SHOC2: variants seen among roughly 807,000 people sequenced by gnomAD.
SHOC2 encodes the protein SHOC2 leucine rich repeat scaffold protein.
SHOC2 carries 4 observed loss-of-function variants against 50.2 expected under a neutral mutation model. The observed-to-expected ratio is 0.08, with a 90% confidence interval of 0.04 to 0.18. SHOC2 has a LOEUF of 0.18. Among genes scored for constraint, SHOC2 ranks in the 10% least tolerant of loss-of-function variants. The pLI is 1.00. For synonymous variants in SHOC2, 218 were observed against 244.5 expected (o/e 0.89, Z 1.01); for missense variants, 388 against 669.6 (o/e 0.58, Z 4.64).
At chr10:110,998,437 C>T (rs1004581579) in intron 3 of SHOC2, among the ~76,000 whole-genome samples, 1 of 152,042 alleles carries the variant, frequency 6.6e-6, no homozygotes, top group African/African-American at 2.4e-5. Context: ...CAGAAAGACA[C>T]TGATGAAGTC....
intron 1 of SHOC2, chr10:110,937,048 C>A: frequency 6.7e-7 from 1 of 1,487,530 alleles, no homozygotes; most frequent in East Asian, 2.3e-5. Flanking sequence ...GGTTGGTGTT[C>A]ATCCGCTTGC....
At chr10:110,935,514 G>A (rs568321113) in intron 1 of SHOC2, among the ~76,000 whole-genome samples, 91 of 152,198 alleles carry the variant, frequency 6.0e-4, no homozygotes, top group Admixed American at 4.4e-3. Context: ...GAATATCCTG[G>A]TGCTTATAAA....
At chr10:110,957,557 A>T (rs1847491394) in intron 1 of SHOC2, among the ~76,000 whole-genome samples, 1 of 129,788 alleles carries the variant, frequency 7.7e-6, no homozygotes, top group Non-Finnish European at 1.6e-5. Context: ...CACAATTTCC[A>T]ACTCACTCTT....
intron 2 of SHOC2, among the ~76,000 whole-genome samples, chr10:110,983,474 A>G (rs760905877): frequency 3.3e-5 from 5 of 152,152 alleles, no homozygotes; most frequent in Non-Finnish European, 5.9e-5. Flanking sequence ...CCCTCTTAGC[A>G]CTAGCTTAGC....
At chr10:110,930,628 A>G (rs1422477583) in intron 1 of SHOC2, among the ~76,000 whole-genome samples, 2 of 151,796 alleles carry the variant, frequency 1.3e-5, no homozygotes, top group African/African-American at 4.8e-5. Flanking sequence ...GCCAGTTTGC[A>G]TGGGAAATGA....
At chr10:111,000,296 G>T in intron 3 of SHOC2, 119 bp from the exon 4 acceptor site, 1 of 933,314 alleles carries the variant, frequency 1.1e-6, no homozygotes. Flanking sequence ...TAGAAGTTAA[G>T]GAACTTGCTG....
intron 1 of SHOC2, among the ~76,000 whole-genome samples, chr10:110,946,099 A>G (rs1847241669): frequency 6.6e-6 from 1 of 152,048 alleles, no homozygotes; most frequent in South Asian, 2.1e-4. Flanking sequence ...TAATCAAATA[A>G]AAATCCCTTC....
In SHOC2 at chr10:110,964,394, A is replaced by G; in HGVS notation, c.36A>G (p.Lys12=). ...SSSLGKEKDS[K]EKDPKVPSAK... ...GTTTAGGAAAAGAAAAAGACTCTAA[A>G]GAAAAAGATCCCAAAGTACCATCAG... Residue 12 remains lysine, a synonymous_variant, in exon 2 of 9, where the codon AAA becomes AAG. Coordinates refer to ENST00000369452, the MANE Select transcript of SHOC2 (RefSeq NM_007373.4). This position sits in a 1 kb window ranked among gnomAD's most constrained non-coding sequence, Gnocchi z 4.9. 1.2e-6 allele frequency: 2 copies of G among 1,613,304 alleles called. No individual in the cohort carries two copies. The highest frequency in any genetic ancestry group is 1.7e-6 in the Non-Finnish European group (2 of 1,179,846).
intron 1 of SHOC2, among the ~76,000 whole-genome samples, chr10:110,947,600 T>G (rs1452887809): frequency 6.6e-6 from 1 of 152,210 alleles, no homozygotes; most frequent in African/African-American, 2.4e-5. Flanking sequence ...CTCAATAATG[T>G]AAACTTGGAG....
chr10:110,999,205 G>A (rs552044523), intron 3 of SHOC2, among the ~76,000 whole-genome samples: 1 of 152,284 alleles, frequency 6.6e-6, no homozygotes, highest in South Asian at 2.1e-4. Context: ...GCCCATCCAA[G>A]TATCTCATAG....
Position 110,926,474 on chromosome 10 carries a change from A to C in SHOC2, c.-235+6817A>C, listed in dbSNP as rs1221846470. ...GCATTTTTATTCTCACGTAGTGCAC[A>C]ATTTTTAAAAGTTTGGTAACCAAAT... is the stretch of plus-strand genomic sequence containing the variant. On this transcript the variant is annotated intron_variant, in intron 1 of 8. Transcript: ENST00000369452. Among the ~76,000 whole-genome samples the C allele has an allele frequency of 2.6e-5, 4 of 152,220 alleles. No individual in the cohort carries two copies. The East Asian group carries it at 7.7e-4, about 29-fold the overall frequency.
At chr10:110,972,544 C>T (rs1473662374) in intron 2 of SHOC2, among the ~76,000 whole-genome samples, 1 of 152,020 alleles carries the variant, frequency 6.6e-6, no homozygotes, top group Non-Finnish European at 1.5e-5. Context: ...ACAACAAAAA[C>T]CCAGAGAAGT....
At chr10:110,994,791 C>G (rs1448933656) in intron 3 of SHOC2, among the ~76,000 whole-genome samples, 1 of 151,988 alleles carries the variant, frequency 6.6e-6, no homozygotes, top group African/African-American at 2.4e-5. Flanking sequence ...TAGGAAGATA[C>G]ATTTATATAT....
chr10:110,920,361 TCTTCCCCGA>T (rs1251981832), intron 1 of SHOC2, among the ~76,000 whole-genome samples: 1 of 152,088 alleles, frequency 6.6e-6, no homozygotes, highest in African/African-American at 2.4e-5. Context: ...GTAGTCTCAC[TCTTCCCCGA>T]CTTCCCCAGG....
intron 1 of SHOC2, among the ~76,000 whole-genome samples, chr10:110,963,317 AT>A (rs1847606775): frequency 6.6e-6 from 1 of 152,194 alleles, no homozygotes; most frequent in African/African-American, 2.4e-5. Context: ...ACCCTGTGCC[AT>A]TGATCTTTCT....
At chr10:110,919,508 G>A (rs1378035678), upstream of SHOC2, 1 of 388,634 alleles carries the variant, frequency 2.6e-6, no homozygotes, top group Non-Finnish European at 4.5e-6. Context: ...GGGGAGGCTG[G>A]AGCGAGAGTA....
intron 3 of SHOC2, among the ~76,000 whole-genome samples, chr10:110,988,406 T>C (rs1416063751): frequency 6.6e-6 from 1 of 152,134 alleles, no homozygotes; most frequent in Admixed American, 6.5e-5. Context: ...GGTTATCACT[T>C]TCTTCTTCAG....
chr10:110,952,561 GTTTAC>G (rs1230252273), intron 1 of SHOC2, among the ~76,000 whole-genome samples: 6 of 150,046 alleles, frequency 4.0e-5, no homozygotes, highest in South Asian at 4.2e-4. Flanking sequence ...TTTTTTTTAA[GTTTAC>G]TTTAAGTTCC....
chr10:110,921,615 A>G (rs1341995692), intron 1 of SHOC2, among the ~76,000 whole-genome samples: 1 of 152,204 alleles, frequency 6.6e-6, no homozygotes, highest in Non-Finnish European at 1.5e-5. Flanking sequence ...CATACAATGC[A>G]TAATAGTCAC....
Sources: allele counts gnomAD v4.1 joint callset (sites outside exome capture counted in the v4.1 genomes callset), GRCh38; gene constraint gnomAD v4.1.1; non-coding constraint Gnocchi (gnomAD v3.1); transcripts MANE v1.5; gene names NCBI Gene and HGNC (gene_info 2026-07-23, HGNC 2026-07-21).